Variants in CPT1A observed in about 807,000 individuals in gnomAD.
The protein encoded by CPT1A is carnitine palmitoyltransferase 1A.
CPT1A carries 64 observed loss-of-function variants against 100.8 expected under a neutral mutation model. The ratio of observed to expected loss-of-function variants is 0.63; its 90% CI spans 0.52 to 0.78. The LOEUF (loss-of-function observed/expected upper bound fraction) is 0.78, where lower values mean the gene tolerates loss of function less well. CPT1A is among the 30% of genes least tolerant of loss of function. The pLI is 0.00. For synonymous variants in CPT1A, 363 were observed against 396.0 expected, an observed-to-expected ratio of 0.92 and a Z score of 0.99; for missense variants, 802 against 1,034.1, an observed-to-expected ratio of 0.78 and a Z score of 3.08.
At chr11:68,810,936 G>C in intron 3 of CPT1A, among the ~76,000 whole-genome samples, 1 of 152,172 alleles carries the variant, frequency 6.6e-6, no homozygotes, top group Admixed American at 6.5e-5. Flanking sequence ...AGTGAGCCGA[G>C]ATCGCACCAT....
Position 68,799,226 on chromosome 11 carries a change from T to G in CPT1A, c.685A>C (p.Thr229Pro). ...TGTGTATACAGACTTACGTAATTTG[T>G]AGCCCACCAGGATTTTAACTTCAAA... ...WYLKLKSWWA[T>P]NYVSDWWEEY... Residue 229 changes from threonine (T) to proline (P), a missense_variant, in exon 6 of 19, where the codon ACA (threonine) becomes CCA (proline). Thr to Pro is a conservative substitution (Grantham distance 38). Transcript: ENST00000265641. 1 of 1,613,896 alleles carries G rather than the reference T, an allele frequency of 6.2e-7. No homozygotes were observed.
chr11:68,775,232 C>G, intron 13 of CPT1A, 84 bp downstream of exon 13: 1 of 1,164,200 alleles, frequency 8.6e-7, no homozygotes, highest in East Asian at 2.4e-5. Context: ...AGGGCAGGAA[C>G]TACGGTTGGA....
chr11:68,777,685 A>G (rs368391217), intron 12 of CPT1A, among the ~76,000 whole-genome samples: 4 of 152,312 alleles, frequency 2.6e-5, no homozygotes, highest in South Asian at 4.1e-4. Context: ...TATCCAGAGA[A>G]CTTTAAAAAA....
At chr11:68,762,594 G>A (rs187362925) in intron 15 of CPT1A, 33 bp downstream of exon 15, 7 of 1,611,732 alleles carry the variant, frequency 4.3e-6, no homozygotes, top group Middle Eastern at 1.7e-4. Flanking sequence ...AGTGTGACAA[G>A]CACGTTGTGT....
At chr11:68,787,431 CAAAAA>C (rs773513607) in intron 9 of CPT1A, among the ~76,000 whole-genome samples, 1 of 106,784 alleles carries the variant, frequency 9.4e-6, no homozygotes. Context: ...GACTCTGTCT[CAAAAA>C]AAAAAAAAAA....
intron 14 of CPT1A, among the ~76,000 whole-genome samples, chr11:68,768,331 T>C (rs1237982270): frequency 2.0e-5 from 3 of 152,082 alleles, no homozygotes; most frequent in Non-Finnish European, 2.9e-5. Context: ...CACCTCAGCC[T>C]CCCAAAGTGC....
At chr11:68,842,253 T>A (rs1857178268), upstream of CPT1A, among the ~76,000 whole-genome samples, 1 of 152,126 alleles carries the variant, frequency 6.6e-6, no homozygotes, top group South Asian at 2.1e-4. Context: ...TATTCACCCC[T>A]GACTCTTTCA....
chr11:68,767,176 G>A (rs760204201), intron 14 of CPT1A, among the ~76,000 whole-genome samples: 1 of 152,206 alleles, frequency 6.6e-6, no homozygotes, highest in African/African-American at 2.4e-5. Flanking sequence ...TCTAAGCCAT[G>A]AAAACAAAAA....
intron 10 of CPT1A, among the ~76,000 whole-genome samples, chr11:68,782,199 C>T (rs746357454): frequency 8.5e-5 from 13 of 152,134 alleles, no homozygotes; most frequent in East Asian, 3.8e-4. Context: ...ACTAAATGAA[C>T]GGCCAGATTG....
rs752340021 is a variant in CPT1A, at chr11:68,773,252, G to A, written c.1740+13C>T. On this transcript the variant is annotated intron_variant, in intron 14 of 18. Transcript: ENST00000265641. ...AAGTGCTCACGACAAAACCCTAGGC[G>A]GTCAGTTCTTACCTTGTAGTGCGCC... The A allele has an allele frequency of 1.1e-5, 18 of 1,613,540 alleles. No individual in the cohort carries two copies. The highest frequency in any genetic ancestry group is 1.4e-5 in the Non-Finnish European group (17 of 1,179,996).
At chr11:68,820,461 T>A (rs1856552593) in intron 1 of CPT1A, among the ~76,000 whole-genome samples, 1 of 151,766 alleles carries the variant, frequency 6.6e-6, no homozygotes, top group African/African-American at 2.4e-5. Flanking sequence ...GGTGGGTGGA[T>A]CACTTGAGGT....
At chr11:68,761,171 C>G (rs997241982) in intron 16 of CPT1A, among the ~76,000 whole-genome samples, 4 of 151,286 alleles carry the variant, frequency 2.6e-5, no homozygotes, top group Admixed American at 2.0e-4. Context: ...CTGTAAGACC[C>G]TGTCTCAAAA....
chr11:68,780,894 G>T, intron 11 of CPT1A, 149 bp from the exon 12 acceptor site: 1 of 699,728 alleles, frequency 1.4e-6, no homozygotes. Context: ...TGTGGAGTGA[G>T]GGTGAAAGTA....
chr11:68,794,836 T>G lies in CPT1A; in HGVS notation c.847A>C (p.Arg283=), dbSNP rs1173914550. 7.4e-6 allele frequency: 12 copies of G among 1,614,118 alleles called. No homozygotes were observed. The highest frequency in any genetic ancestry group is 6.7e-5 in the Admixed American group (4 of 60,000). Residue 283 remains arginine, a synonymous_variant, in exon 8 of 19, where the codon AGG becomes CGG. Transcript: ENST00000265641. The part of the protein sequence containing the change: ...GNAIHAILLY[R]RKLDREEIKP... ...ATTTCCTCCCGGTCCAGTTTGCGCC[T>G]GTAAAGCAGGATGGCATGGATGGCG...
chr11:68,806,457 G>A lies in CPT1A; in HGVS notation c.453+1010C>T, dbSNP rs183038306. Reference sequence around the variant, plus strand: ...AGACCAGCCTGGCCAACAAAACCCCGTCTCTATTAAAAATATAAAAATTAG... The same window carrying A: ...AGACCAGCCTGGCCAACAAAACCCCATCTCTATTAAAAATATAAAAATTAG... On this transcript the variant is annotated intron_variant, in intron 4 of 18. Coordinates refer to ENST00000265641, the MANE Select transcript of CPT1A (RefSeq NM_001876.4). 1.9e-4 allele frequency among the ~76,000 whole-genome samples: 29 copies of A among 151,946 alleles called. 1 individual carries two copies. The highest frequency in any genetic ancestry group is 5.3e-4 in the African/African-American group (22 of 41,456).
At position 68,765,589 on chromosome 11, in the gene CPT1A, G is replaced by C. The variant is rs894379540; in HGVS notation, c.1741-2828C>G. 2.6e-5 allele frequency among the ~76,000 whole-genome samples: 4 copies of C among 152,218 alleles called. No individual in the cohort carries two copies. The East Asian group carries it at 7.7e-4, about 29-fold the overall frequency. The stretch of plus-strand genomic sequence containing the variant: ...TGTTACTATGGGGCTAATGATTCAG[G>C]TTGGTAGGGCTTCCAAAGCAGGAGG... On this transcript the variant is annotated intron_variant, in intron 14 of 18. Coordinates refer to ENST00000265641, the MANE Select transcript of CPT1A (RefSeq NM_001876.4).
Position 68,761,028 on chromosome 11 carries a change from T to A in CPT1A, c.2028+507A>T, listed in dbSNP as rs1180867912. Among the ~76,000 whole-genome samples, 3 of 150,884 alleles carry A rather than the reference T, an allele frequency of 2.0e-5. No homozygotes were observed. In the East Asian group the frequency reaches 5.9e-4, roughly 30 times the overall value. Reference sequence around the variant, plus strand: ...AGAGCGAGACTCCATCTCCAAAAAATAAAAAATAAATAAATAAATAAATAA... The same window carrying A: ...AGAGCGAGACTCCATCTCCAAAAAAAAAAAAATAAATAAATAAATAAATAA... On this transcript the variant is annotated intron_variant, in intron 16 of 18. Transcript: ENST00000265641.
intron 1 of CPT1A, among the ~76,000 whole-genome samples, chr11:68,817,090 G>C (rs1467662111): frequency 6.6e-4 from 87 of 131,588 alleles, no homozygotes; most frequent in Middle Eastern, 4.8e-3. Flanking sequence ...GTGTGTGGTT[G>C]TGTGTGTGTG....
chr11:68,790,466 A>G (rs1460244522), intron 9 of CPT1A, among the ~76,000 whole-genome samples: 3 of 151,664 alleles, frequency 2.0e-5, no homozygotes, highest in African/African-American at 7.2e-5. Context: ...TCCTTGTAAG[A>G]GAGACACACA....
Sources: gnomAD v4.1 joint callset for allele counts (sites outside exome capture counted in the v4.1 genomes callset) on GRCh38, gnomAD v4.1.1 for gene constraint, MANE v1.5 for transcripts, NCBI Gene and HGNC (gene_info 2026-07-23, HGNC 2026-07-21) for gene names.